Variants in SLC22A3 observed in about 807,000 individuals in gnomAD.
SLC22A3 encodes EMT organic cation transporter 3.
Under a neutral mutation model 59.1 loss-of-function variants are expected in SLC22A3, and 51 were observed. The ratio of observed to expected loss-of-function variants is 0.86; its 90% confidence interval spans 0.69 to 1.09. The LOEUF (loss-of-function observed/expected upper bound fraction) is 1.09, where lower values mean the gene tolerates loss of function less well. Among genes scored for constraint, SLC22A3 ranks in the 50% least tolerant of loss-of-function variants. The pLI is 0.00. For missense variants in SLC22A3, 711 were observed against 726.3 expected (o/e 0.98, Z 0.24); for synonymous variants, 325 against 292.0 (o/e 1.11, Z -1.15).
intron 1 of SLC22A3, among the ~76,000 whole-genome samples, chr6:160,357,283 C>T (rs77193466): frequency 1.3e-5 from 2 of 152,230 alleles, no homozygotes; most frequent in African/African-American, 4.8e-5. Flanking sequence ...CTTTGGCTTT[C>T]CATTAACAGA....
rs1788957294 is a variant in SLC22A3 at position 160,451,368 on chromosome 6, AAG to A, written c.*316_*317del. The stretch of plus-strand genomic sequence containing the variant: ...CTGACCCATTAGGCTAAAGAGAGAC[AAG>A]AGAAGCCCCCAACCTGATTCTCATG... On this transcript the variant is annotated 3_prime_UTR_variant, in exon 11 of 11. Coordinates refer to ENST00000275300, the MANE Select transcript of SLC22A3 (RefSeq NM_021977.4). The A allele has an allele frequency of 3.1e-6, 1 of 322,282 alleles. No homozygotes were observed. The highest frequency in any genetic ancestry group is 4.3e-5 in the Admixed American group (1 of 23,344). 20.0% of individuals were successfully genotyped at this position (322,282 alleles called of 1,614,324 possible).
At chr6:160,433,526 T>TACC (rs1788229700) in intron 5 of SLC22A3, among the ~76,000 whole-genome samples, 2 of 151,310 alleles carry the variant, frequency 1.3e-5, no homozygotes, top group African/African-American at 4.9e-5. Flanking sequence ...CTACTACTAC[T>TACC]ACTACTACTA....
chr6:160,391,518 T>C (rs1345294001), intron 1 of SLC22A3, among the ~76,000 whole-genome samples: 1 of 152,000 alleles, frequency 6.6e-6, no homozygotes, highest in Non-Finnish European at 1.5e-5. Context: ...AACACAAGAG[T>C]CAACAATGTT....
At chr6:160,384,637 C>T (rs1510229) in intron 1 of SLC22A3, among the ~76,000 whole-genome samples, 38,189 of 151,956 alleles carry the variant, frequency 0.25, 5,122 homozygotes, top group South Asian at 0.37. Flanking sequence ...CCCAGATCTC[C>T]GGTTCCTCCA....
chr6:160,357,217 T>A (rs1784872136), intron 1 of SLC22A3, among the ~76,000 whole-genome samples: 1 of 152,240 alleles, frequency 6.6e-6, no homozygotes, highest in South Asian at 2.1e-4. Context: ...AGGTGACCTC[T>A]GTCATAGGAC....
At chr6:160,396,484 A>G (rs1244660132) in intron 1 of SLC22A3, among the ~76,000 whole-genome samples, 2 of 152,206 alleles carry the variant, frequency 1.3e-5, no homozygotes, top group African/African-American at 4.8e-5. Context: ...AGGTTAAAGA[A>G]TTGAGTAACA....
intron 5 of SLC22A3, among the ~76,000 whole-genome samples, chr6:160,422,516 A>G (rs748015051): frequency 2.6e-5 from 4 of 152,234 alleles, no homozygotes; most frequent in Non-Finnish European, 5.9e-5. Flanking sequence ...TCATACAAAC[A>G]GCGTGCGGCC....
In SLC22A3 at chr6:160,410,956, T is replaced by TTA. The variant is rs3066963; in HGVS notation, c.975+122_975+123dup. The TTA allele has an allele frequency of 3.8e-3, 2,165 of 574,828 alleles. 33 individuals are homozygous for TTA. The highest frequency in any genetic ancestry group is 0.033 in the African/African-American group (1,726 of 52,602). 35.6% of individuals were successfully genotyped at this position (574,828 alleles called of 1,614,324 possible). On this transcript the variant is annotated intron_variant, in intron 5 of 10. Coordinates refer to ENST00000275300, the MANE Select transcript of SLC22A3 (RefSeq NM_021977.4). ...TAAATTTATATACAAAATATGCATA[T>TTA]TATATATATATATGTATGTATGTAT...
intron 2 of SLC22A3, among the ~76,000 whole-genome samples, chr6:160,399,237 C>A (rs528712226): frequency 6.6e-6 from 1 of 151,982 alleles, no homozygotes; most frequent in African/African-American, 2.4e-5. Flanking sequence ...TATCGATGTC[C>A]TTTTCTCCTG....
Position 160,412,090 on chromosome 6 carries a change from G to A in SLC22A3, c.975+1244G>A, listed in dbSNP as rs531407342. 6.6e-5 allele frequency among the ~76,000 whole-genome samples: 10 copies of A among 152,198 alleles called. No individual in the cohort carries two copies. In the East Asian group the frequency reaches 1.7e-3, roughly 27 times the overall value. On this transcript the variant is annotated intron_variant, in intron 5 of 10. Coordinates refer to ENST00000275300, the MANE Select transcript of SLC22A3 (RefSeq NM_021977.4). ...AGAACTGGGTTTTGGGGCTGGGTGC[G>A]GTGGCTCACACCTGTAATCCCAGCA...
chr6:160,405,923 G>C, intron 2 of SLC22A3, among the ~76,000 whole-genome samples: 1 of 152,172 alleles, frequency 6.6e-6, no homozygotes, highest in East Asian at 1.9e-4. Flanking sequence ...AGGGTGGGGA[G>C]AGGGAGGGAT....
chr6:160,450,937 C>A, intron 10 of SLC22A3, 59 bp from the exon 11 acceptor site: 1 of 1,451,088 alleles, frequency 6.9e-7, no homozygotes, highest in Non-Finnish European at 9.5e-7. Context: ...AATAACAGAA[C>A]ACCCTCTTCT....
chr6:160,388,720 GTTCTATACACCACCTTA>G (rs2114811774), intron 1 of SLC22A3, among the ~76,000 whole-genome samples: 1 of 152,258 alleles, frequency 6.6e-6, no homozygotes, highest in South Asian at 2.1e-4. Context: ...CTTTGGGACT[GTTCTATACACCACCTTA>G]TTCACTATTT....
At position 160,410,747 on chromosome 6, in the gene SLC22A3, C is replaced by T; in HGVS notation, c.876C>T (p.Pro292=). The T allele has an allele frequency of 6.2e-7, 1 of 1,612,772 alleles. No individual in the cohort carries two copies. ...TTGCCAGGGTGGTCCCTGAGTCTCC[C>T]CGTTGGCTGATTACTCGGAAGAAAG... The part of the protein sequence containing the change: ...LLYYWVVPES[P]RWLITRKKGD... Residue 292 remains proline, a synonymous_variant, in exon 5 of 11, where the codon CCC becomes CCT. Transcript: ENST00000275300.
intron 9 of SLC22A3, among the ~76,000 whole-genome samples, chr6:160,445,665 G>A (rs1788712011): frequency 6.6e-6 from 1 of 152,182 alleles, no homozygotes; most frequent in African/African-American, 2.4e-5. Flanking sequence ...GGAATGGAGA[G>A]GGTGGACAGA....
intron 5 of SLC22A3, among the ~76,000 whole-genome samples, chr6:160,424,118 CT>C (rs1787860548): frequency 1.3e-5 from 2 of 152,074 alleles, no homozygotes; most frequent in African/African-American, 4.8e-5. Flanking sequence ...TTCTTGTCTC[CT>C]AGCCGCTGTA....
intron 1 of SLC22A3, among the ~76,000 whole-genome samples, chr6:160,390,582 A>G (rs1362673343): frequency 2.0e-5 from 3 of 151,988 alleles, no homozygotes; most frequent in Admixed American, 2.0e-4. Flanking sequence ...AAAAAGATGT[A>G]CACTCTCTCC....
intron 5 of SLC22A3, among the ~76,000 whole-genome samples, chr6:160,425,112 C>T (rs140107830): frequency 1.3e-5 from 2 of 152,268 alleles, no homozygotes; most frequent in East Asian, 1.9e-4. Context: ...GCTGCCATCC[C>T]CTTTCTTTCC....
At chr6:160,363,289 G>C (rs1785086088) in intron 1 of SLC22A3, among the ~76,000 whole-genome samples, 1 of 152,208 alleles carries the variant, frequency 6.6e-6, no homozygotes, top group Admixed American at 6.5e-5. Flanking sequence ...GCCTAGTCTC[G>C]CTTCTGTCGT....
Sources: gnomAD v4.1 joint callset for allele counts (sites outside exome capture counted in the v4.1 genomes callset) on GRCh38, gnomAD v4.1.1 for gene constraint, MANE v1.5 for transcripts, NCBI Gene and HGNC (gene_info 2026-07-23, HGNC 2026-07-21) for gene names.